Variants in EPHB3 observed in about 807,000 individuals in gnomAD.
The protein encoded by EPHB3 is ephrin type-B receptor 3.
Under a neutral mutation model 100.2 loss-of-function variants are expected in EPHB3, and 33 were observed. The ratio of observed to expected loss-of-function variants is 0.33; its 90% CI spans 0.25 to 0.44. EPHB3 has a LOEUF of 0.44. Ranked by LOEUF, EPHB3 falls within the 20% of genes least tolerant of loss-of-function variation. EPHB3 has a pLI of 1.00. For missense variants in EPHB3, 1,045 were observed against 1,378.3 expected, an observed-to-expected ratio of 0.76 and a Z score of 3.83; for synonymous variants, 526 against 554.7, an observed-to-expected ratio of 0.95 and a Z score of 0.73.
At chr3:184,575,297 C>T in intron 3 of EPHB3, 1 of 939,836 alleles carries the variant, frequency 1.1e-6, no homozygotes, top group South Asian at 4.9e-5. Context: ...GTCCTCAGCC[C>T]CCATCCCTGC....
rs1424566410 is a variant in EPHB3 at position 184,571,677 on chromosome 3, C to G, written c.183+295C>G. On this transcript the variant is annotated intron_variant, in intron 2 of 15. Transcript: ENST00000330394. This position sits in a 1 kb window ranked among gnomAD's most constrained non-coding sequence, Gnocchi z 5.0. ...CCCTCTGCATGTCCATCCCCACCAT[C>G]TCCCTCCTCCCTGGGTCCCTGGAGA... 6.6e-6 allele frequency among the ~76,000 whole-genome samples: 1 copy of G among 152,152 alleles called. No individual in the cohort carries two copies. Among genetic ancestry groups the G allele is most frequent in the Non-Finnish European group, 1.5e-5 (1 of 68,030 alleles).
Position 184,581,752 on chromosome 3 carries a change from C to A in EPHB3, c.*130C>A. The A allele has an allele frequency of 1.1e-6, 1 of 875,596 alleles. No individual in the cohort carries two copies. The highest frequency in any genetic ancestry group is 1.7e-6 in the Non-Finnish European group (1 of 584,614). 54.2% of individuals were successfully genotyped at this position (875,596 alleles called of 1,614,324 possible). A position where few individuals can be genotyped will look rare whatever the true frequency, so the allele number is the denominator to read the frequency against. Reference sequence around the variant, plus strand: ...AGAAGCTGGAAGTTTGGGAAAGGCCCAAGCTGGGACTTCTCCAGGCCTGTG... The same window carrying A: ...AGAAGCTGGAAGTTTGGGAAAGGCCAAAGCTGGGACTTCTCCAGGCCTGTG... On this transcript the variant is annotated 3_prime_UTR_variant, in exon 16 of 16. Coordinates refer to ENST00000330394, the MANE Select transcript of EPHB3 (RefSeq NM_004443.4).
Position 184,575,868 on chromosome 3 carries a change from G to A in EPHB3, c.895G>A (p.Gly299Arg). ...PGSYKAKQGE[G>R]PCLPCPPNSR... ...GAGCTACAAGGCGAAGCAGGGAGAG[G>A]GGCCCTGCCTCCCATGTCCCCCCAA... is the stretch of plus-strand genomic sequence containing the variant. The change falls in exon 4 of 16, where the codon GGG (glycine) becomes AGG (arginine). Residue 299 changes from glycine (G) to arginine (R), a missense_variant. Physicochemically the swap from Gly to Arg is moderately radical, Grantham distance 125. Transcript: ENST00000330394. The A allele has an allele frequency of 2.5e-6, 4 of 1,612,934 alleles. No individual in the cohort carries two copies. The highest frequency in any genetic ancestry group is 3.4e-6 in the Non-Finnish European group (4 of 1,179,482).
chr3:184,568,760 G>A (rs987645764), intron 1 of EPHB3, among the ~76,000 whole-genome samples: 1 of 152,204 alleles, frequency 6.6e-6, no homozygotes, highest in Non-Finnish European at 1.5e-5. Flanking sequence ...CCTCCCCACC[G>A]GAGTGACCGA....
chr3:184,566,286 C>T lies in EPHB3; in HGVS notation c.118+3933C>T, dbSNP rs1029000326. Among the ~76,000 whole-genome samples the T allele has an allele frequency of 7.2e-5, 11 of 152,360 alleles. No individual in the cohort carries two copies. In the East Asian group the frequency reaches 2.1e-3, roughly 29 times the overall value. Reference sequence around the variant, plus strand: ...ATGGATGAGCACCGAGGCGTTTGGGCTCCCCGCCCTGGGCTTCTTTCCCCT... The same window carrying T: ...ATGGATGAGCACCGAGGCGTTTGGGTTCCCCGCCCTGGGCTTCTTTCCCCT... On this transcript the variant is annotated intron_variant, in intron 1 of 15. Coordinates refer to ENST00000330394, the MANE Select transcript of EPHB3 (RefSeq NM_004443.4).
chr3:184,568,968 C>A (rs954529311), intron 1 of EPHB3, among the ~76,000 whole-genome samples: 15 of 152,120 alleles, frequency 9.9e-5, no homozygotes, highest in African/African-American at 3.6e-4. Flanking sequence ...TCCTTCCCGC[C>A]GCCGCCTCTC....
Position 184,578,569 on chromosome 3 carries a change from T to C in EPHB3, c.1801+103T>C, listed in dbSNP as rs1191439731. The C allele has an allele frequency of 2.8e-6, 4 of 1,452,662 alleles. No homozygotes were observed. Among genetic ancestry groups the C allele is most frequent in the Non-Finnish European group, 3.8e-6 (4 of 1,051,022 alleles). 90.0% of individuals were successfully genotyped at this position (1,452,662 alleles called of 1,614,324 possible). The stretch of plus-strand genomic sequence containing the variant: ...GACTTCATTCCTTAGAGATAAACCC[T>C]GAATGCCCCCTCCCACTTCCAGTCA... On this transcript the variant is annotated intron_variant, in intron 9 of 15. Coordinates refer to ENST00000330394, the MANE Select transcript of EPHB3 (RefSeq NM_004443.4). This position sits in a 1 kb window ranked among gnomAD's most constrained non-coding sequence, Gnocchi z 4.7.
Position 184,571,253 on chromosome 3 carries a change from T to C in EPHB3, c.119-65T>C. ...ACAGGTGTGAGCCACTTCGCTCATCTGTGATCTCTTCTGTCTCCTCAACCT... is the reference window on the plus strand; with the variant it reads ...ACAGGTGTGAGCCACTTCGCTCATCCGTGATCTCTTCTGTCTCCTCAACCT... On this transcript the variant is annotated intron_variant, in intron 1 of 15. Transcript: ENST00000330394. This position sits in a 1 kb window ranked among gnomAD's most constrained non-coding sequence, Gnocchi z 5.0. The C allele has an allele frequency of 6.4e-7, 1 of 1,568,852 alleles. No individual in the cohort carries two copies. Among genetic ancestry groups the C allele is most frequent in the East Asian group, 2.2e-5 (1 of 44,572 alleles).
Position 184,578,242 on chromosome 3 carries a change from C to A in EPHB3, c.1749-172C>A. ...GGGCAGGTTCCCTAGGGACTGAGTC[C>A]ACTGAACCCCTTGCTCAGACACCCA... On this transcript the variant is annotated intron_variant, in intron 8 of 15. Coordinates refer to ENST00000330394, the MANE Select transcript of EPHB3 (RefSeq NM_004443.4). This position sits in a 1 kb window ranked among gnomAD's most constrained non-coding sequence, Gnocchi z 4.7. 1 of 997,254 alleles carries A rather than the reference C, an allele frequency of 1.0e-6. No homozygotes were observed. The highest frequency in any genetic ancestry group is 1.5e-6 in the Non-Finnish European group (1 of 676,536). 61.8% of individuals were successfully genotyped at this position (997,254 alleles called of 1,614,324 possible). A position where few individuals can be genotyped will look rare whatever the true frequency, so the allele number is the denominator to read the frequency against.
intron 3 of EPHB3, among the ~76,000 whole-genome samples, chr3:184,574,451 G>C (rs573016838): frequency 6.6e-6 from 1 of 152,348 alleles, no homozygotes; most frequent in East Asian, 1.9e-4. Context: ...GAATGTGGAA[G>C]CTGGCACGGA....
Position 184,562,196 on chromosome 3 carries a change from C to T in EPHB3, c.-40C>T. ...CTGCAGCCCCGCCGGCGCGGCCCGGCCCGGCGCGGCCCGGCTCGGCTCCTA... is the reference window on the plus strand; with the variant it reads ...CTGCAGCCCCGCCGGCGCGGCCCGGTCCGGCGCGGCCCGGCTCGGCTCCTA... On this transcript the variant is annotated 5_prime_UTR_variant, in exon 1 of 16. Transcript: ENST00000330394. The surrounding 1 kb of genome is among the most constrained non-coding windows in gnomAD (Gnocchi z 4.8). The T allele has an allele frequency of 4.3e-6, 2 of 466,824 alleles. No individual in the cohort carries two copies. The highest frequency in any genetic ancestry group is 1.2e-4 in the Admixed American group (2 of 17,200). The allele number at this position is 466,824 out of a possible 1,614,324, so 28.9% of individuals were successfully genotyped here.
rs1714827002 is a variant in EPHB3, at chr3:184,581,667, G to A, written c.*45G>A. 2 of 1,502,480 alleles carry A rather than the reference G, an allele frequency of 1.3e-6. No individual in the cohort carries two copies. The highest frequency in any genetic ancestry group is 1.8e-6 in the Non-Finnish European group (2 of 1,122,808). 93.1% of individuals were successfully genotyped at this position (1,502,480 alleles called of 1,614,324 possible). A position where few individuals can be genotyped will look rare whatever the true frequency, so the allele number is the denominator to read the frequency against. ...CCTGAGGACCGTGCAGGGATGCCAA[G>A]CAGCCGGCTGGACTTTCGGACTCTT... is the stretch of plus-strand genomic sequence containing the variant. On this transcript the variant is annotated 3_prime_UTR_variant, in exon 16 of 16. Coordinates refer to ENST00000330394, the MANE Select transcript of EPHB3 (RefSeq NM_004443.4).
At position 184,580,571 on chromosome 3, in the gene EPHB3, G is replaced by A. The variant is rs745879472; in HGVS notation, c.2342G>A (p.Arg781His). The A allele has an allele frequency of 6.8e-6, 11 of 1,614,002 alleles. No individual in the cohort carries two copies. The highest frequency in any genetic ancestry group is 2.7e-5 in the African/African-American group (2 of 74,918). The change falls in exon 12 of 16, where the codon CGC (arginine) becomes CAC (histidine). Residue 781 changes from arginine (R) to histidine (H), a missense_variant. Transcript: ENST00000330394. ...VCKVSDFGLS[R>H]FLEDDPSDPT... The stretch of plus-strand genomic sequence containing the variant: ...AAAGTCTCAGACTTTGGCCTCTCCC[G>A]CTTCCTGGAGGATGACCCCTCCGAT...
At chr3:184,564,879 C>T (rs1424889574) in intron 1 of EPHB3, among the ~76,000 whole-genome samples, 1 of 152,144 alleles carries the variant, frequency 6.6e-6, no homozygotes, top group African/African-American at 2.4e-5. Context: ...TCAGCCCCTC[C>T]AGCTTGACAG....
In EPHB3 at chr3:184,565,346, G is replaced by A. The variant is rs1481400204; in HGVS notation, c.118+2993G>A. Among the ~76,000 whole-genome samples the A allele has an allele frequency of 3.3e-5, 5 of 152,212 alleles. No individual in the cohort carries two copies. The highest frequency in any genetic ancestry group is 6.5e-5 in the Admixed American group (1 of 15,286). Reference sequence around the variant, plus strand: ...TTATTCTCCCCTCAGGACCATCAACGGGTCAGGGGGTGGGGTCCAATGGGG... The same window carrying A: ...TTATTCTCCCCTCAGGACCATCAACAGGTCAGGGGGTGGGGTCCAATGGGG... On this transcript the variant is annotated intron_variant, in intron 1 of 15. Transcript: ENST00000330394. This position sits in a 1 kb window ranked among gnomAD's most constrained non-coding sequence, Gnocchi z 4.8.
chr3:184,573,263 A>T lies in EPHB3; in HGVS notation c.856+87A>T. On this transcript the variant is annotated intron_variant, in intron 3 of 15. Transcript: ENST00000330394. This position sits in a 1 kb window ranked among gnomAD's most constrained non-coding sequence, Gnocchi z 4.5. ...GCCCCGCCCCCCACCCCTGCTTGCT[A>T]TCTGACTAGGAGGTCTGGGAGCAGG... The T allele has an allele frequency of 6.5e-7, 1 of 1,531,548 alleles. No homozygotes were observed. The highest frequency in any genetic ancestry group is 8.8e-7 in the Non-Finnish European group (1 of 1,136,286). 94.9% of individuals were successfully genotyped at this position (1,531,548 alleles called of 1,614,324 possible).
chr3:184,571,398 C>T lies in EPHB3; in HGVS notation c.183+16C>T, dbSNP rs766188421. 6.2e-7 allele frequency: 1 copy of T among 1,613,768 alleles called. No individual in the cohort carries two copies. Among genetic ancestry groups the T allele is most frequent in the Admixed American group, 1.7e-5 (1 of 60,014 alleles). On this transcript the variant is annotated intron_variant, in intron 2 of 15. Transcript: ENST00000330394. This position sits in a 1 kb window ranked among gnomAD's most constrained non-coding sequence, Gnocchi z 5.0. ...AGAAAGTGGGGTGAGGCTTTCCCAT[C>T]ATTCTCCTGAGTGTTGTTTGCCATT...
chr3:184,579,637 G>A lies in EPHB3; in HGVS notation c.1924+38G>A, dbSNP rs1429167707. 2 of 1,612,486 alleles carry A rather than the reference G, an allele frequency of 1.2e-6. No individual in the cohort carries two copies. Among genetic ancestry groups the A allele is most frequent in the African/African-American group, 2.7e-5 (2 of 74,874 alleles). On this transcript the variant is annotated intron_variant, in intron 10 of 15. Transcript: ENST00000330394. The surrounding 1 kb of genome is among the most constrained non-coding windows in gnomAD (Gnocchi z 5.2). ...GGGCACAGTAGAGATGAGAAGCTGA[G>A]GCGGGCTGGGTACAGGAGTGAGTCA...
Position 184,571,465 on chromosome 3 carries a change from C to A in EPHB3, c.183+83C>A. On this transcript the variant is annotated intron_variant, in intron 2 of 15. Transcript: ENST00000330394. The surrounding 1 kb of genome is among the most constrained non-coding windows in gnomAD (Gnocchi z 5.0). ...CCAGCCTCCGTGCCCCCTCATCTCA[C>A]CAGGGCCTGGAGGAGGGCTGCCTCT... The A allele has an allele frequency of 6.7e-7, 1 of 1,481,996 alleles. No individual in the cohort carries two copies. Among genetic ancestry groups the A allele is most frequent in the Non-Finnish European group, 9.4e-7 (1 of 1,067,152 alleles). The allele number at this position is 1,481,996 out of a possible 1,614,324, so 91.8% of individuals were successfully genotyped here. A position where few individuals can be genotyped will look rare whatever the true frequency, so the allele number is the denominator to read the frequency against.
Sources: gnomAD v4.1 joint callset for allele counts (sites outside exome capture counted in the v4.1 genomes callset) on GRCh38, gnomAD v4.1.1 for gene constraint, Gnocchi (gnomAD v3.1) non-coding constraint, MANE v1.5 for transcripts, NCBI Gene and HGNC (gene_info 2026-07-23, HGNC 2026-07-21) for gene names.